The following GRID2 variants were observed in gnomAD, a reference collection of about 807,000 sequenced individuals.
GRID2 encodes glutamate ionotropic receptor delta type subunit 2, also known as glutamate receptor ionotropic, delta-2.
Under a neutral mutation model 114.8 loss-of-function variants are expected in GRID2, and 33 were observed. The ratio of observed to expected loss-of-function variants is 0.29; its 90% CI spans 0.22 to 0.38. GRID2 has a LOEUF of 0.38. Among genes scored for constraint, GRID2 ranks in the 10% least tolerant of loss-of-function variants. The pLI is 1.00. For synonymous variants in GRID2, 505 were observed against 449.9 expected (o/e 1.12, Z -1.55); for missense variants, 1,184 against 1,257.7 (o/e 0.94, Z 0.89).
At chr4:93,143,223 C>T (rs1012753503) in intron 4 of GRID2, among the ~76,000 whole-genome samples, 2 of 151,986 alleles carry the variant, frequency 1.3e-5, no homozygotes, top group African/African-American at 4.8e-5. Flanking sequence ...ATGTTAAAAC[C>T]ACTTGTTGAA....
intron 2 of GRID2, among the ~76,000 whole-genome samples, chr4:92,849,614 A>C (rs1052478375): frequency 3.3e-5 from 5 of 151,768 alleles, no homozygotes; most frequent in African/African-American, 1.2e-4. Context: ...TACCCCTTCA[A>C]CTCCATTTTT....
At chr4:92,908,561 C>CAAAAAAAAAAAAAAAAAAAAA (rs762037449) in intron 2 of GRID2, among the ~76,000 whole-genome samples, 1 of 35,996 alleles carries the variant, frequency 2.8e-5, no homozygotes, top group African/African-American at 8.9e-5. Flanking sequence ...GACTCCATCT[C>CAAAAAAAAAAAAAAAAAAAAA]AAAAAAAAAA....
At chr4:93,634,668 A>G (rs1721258188) in intron 14 of GRID2, among the ~76,000 whole-genome samples, 1 of 152,106 alleles carries the variant, frequency 6.6e-6, no homozygotes, top group Non-Finnish European at 1.5e-5. Flanking sequence ...AAATATCTGT[A>G]CAGACGAGGA....
chr4:93,008,379 C>T (rs941142515), intron 2 of GRID2, among the ~76,000 whole-genome samples: 2 of 152,072 alleles, frequency 1.3e-5, no homozygotes, highest in Admixed American at 1.3e-4. Context: ...TGTATAGAAA[C>T]TTGTATATGC....
At chr4:93,304,692 T>A (rs1208975366) in intron 8 of GRID2, among the ~76,000 whole-genome samples, 1 of 151,918 alleles carries the variant, frequency 6.6e-6, no homozygotes, top group Non-Finnish European at 1.5e-5. Flanking sequence ...AGGACACCAG[T>A]AGAAAAAAAA....
intron 8 of GRID2, among the ~76,000 whole-genome samples, chr4:93,317,461 A>G (rs1383630095): frequency 6.6e-6 from 1 of 152,116 alleles, no homozygotes; most frequent in Admixed American, 6.6e-5. Flanking sequence ...TTTAAAAAAC[A>G]AACAGACAAG....
intron 8 of GRID2, among the ~76,000 whole-genome samples, chr4:93,255,130 G>A (rs949897521): frequency 5.3e-5 from 8 of 151,804 alleles, no homozygotes; most frequent in Non-Finnish European, 1.0e-4. Context: ...AAATAAATAC[G>A]TGAACATTTT....
chr4:93,155,409 C>T (rs1737085909), intron 4 of GRID2, among the ~76,000 whole-genome samples: 1 of 151,846 alleles, frequency 6.6e-6, no homozygotes, highest in Admixed American at 6.6e-5. Context: ...ATACTAAGTT[C>T]TAAGGTCACC....
intron 9 of GRID2, among the ~76,000 whole-genome samples, chr4:93,400,781 C>A (rs1259472994): frequency 6.6e-6 from 1 of 152,188 alleles, no homozygotes; most frequent in African/African-American, 2.4e-5. Flanking sequence ...AATAAACATA[C>A]ATTCACTCAT....
chr4:93,410,747 C>T (rs567210734), intron 9 of GRID2, among the ~76,000 whole-genome samples: 101 of 152,326 alleles, frequency 6.6e-4, no homozygotes, highest in Non-Finnish European at 8.5e-4. Context: ...ACATGCCTGG[C>T]TAATTTTGTA....
At chr4:92,623,116 C>T (rs2149240028) in intron 2 of GRID2, among the ~76,000 whole-genome samples, 1 of 151,566 alleles carries the variant, frequency 6.6e-6, no homozygotes, top group Non-Finnish European at 1.5e-5. Context: ...AGATTTCAGG[C>T]TGATTATCTT....
chr4:93,480,168 T>C (rs1725711984), intron 11 of GRID2, among the ~76,000 whole-genome samples: 2 of 152,062 alleles, frequency 1.3e-5, no homozygotes, highest in South Asian at 4.1e-4. Flanking sequence ...TAAGCTATAG[T>C]AGAACTGACT....
intron 4 of GRID2, among the ~76,000 whole-genome samples, chr4:93,188,778 A>T (rs1387098925): frequency 6.6e-6 from 1 of 152,192 alleles, no homozygotes; most frequent in Non-Finnish European, 1.5e-5. Context: ...TCCACCAAAT[A>T]TCCTATTTCA....
At chr4:93,456,768 C>G (rs1454828518) in intron 11 of GRID2, among the ~76,000 whole-genome samples, 1 of 152,138 alleles carries the variant, frequency 6.6e-6, no homozygotes, top group Non-Finnish European at 1.5e-5. Flanking sequence ...CTAATATTTA[C>G]AACTCTCAAT....
chr4:92,530,508 G>GAAAAAAAAAAA (rs70942906), intron 1 of GRID2, among the ~76,000 whole-genome samples: 8 of 107,202 alleles, frequency 7.5e-5, no homozygotes, highest in African/African-American at 2.4e-4. Context: ...GACTAGTACA[G>GAAAAAAAAAAA]AAAAAAAAAA....
intron 1 of GRID2, among the ~76,000 whole-genome samples, chr4:92,476,865 A>G (rs938232317): frequency 2.0e-5 from 3 of 152,136 alleles, no homozygotes; most frequent in Non-Finnish European, 4.4e-5. Flanking sequence ...TTAGGAACGA[A>G]AATGTGACTT....
Position 92,939,373 on chromosome 4 carries a change from T to G in GRID2, c.245-145622T>G, listed in dbSNP as rs1475446818. ...CTGCATAAATGTCTTCCTTTGAGAATTGTCTGTTTATGTCCTTCACCCACT... is the reference window on the plus strand; with the variant it reads ...CTGCATAAATGTCTTCCTTTGAGAAGTGTCTGTTTATGTCCTTCACCCACT... On this transcript the variant is annotated intron_variant, in intron 2 of 15. Coordinates refer to ENST00000282020, the MANE Select transcript of GRID2 (RefSeq NM_001510.4). Among the ~76,000 whole-genome samples, 14 of 147,458 alleles carry G rather than the reference T, an allele frequency of 9.5e-5. 2 individuals are homozygous for G. Among genetic ancestry groups the G allele is most frequent in the African/African-American group, 2.9e-4 (12 of 41,226 alleles).
intron 13 of GRID2, among the ~76,000 whole-genome samples, chr4:93,526,044 A>T (rs1730859572): frequency 6.6e-6 from 1 of 152,194 alleles, no homozygotes; most frequent in Non-Finnish European, 1.5e-5. Context: ...AAAATTAAAA[A>T]TTATAATCCT....
intron 1 of GRID2, among the ~76,000 whole-genome samples, chr4:92,481,737 A>C (rs1050419208): frequency 1.3e-5 from 2 of 151,694 alleles, no homozygotes; most frequent in African/African-American, 4.8e-5. Flanking sequence ...CAATTATTTA[A>C]AGAATGATGT....
Sources: allele counts gnomAD v4.1 joint callset (sites outside exome capture counted in the v4.1 genomes callset), GRCh38; gene constraint gnomAD v4.1.1; transcripts MANE v1.5; gene names NCBI Gene and HGNC (gene_info 2026-07-23, HGNC 2026-07-21).